The following CHI3L1 variants were observed in gnomAD, a reference collection of about 807,000 sequenced individuals.
CHI3L1 encodes chitinase-3-like protein 1.
A neutral mutation model predicts 40.7 loss-of-function variants in CHI3L1; 30 were observed. That is an observed-to-expected ratio of 0.74 (90% CI 0.55 to 1.00). CHI3L1 has a LOEUF of 1.00. Among genes scored for constraint, CHI3L1 ranks in the 50% least tolerant of loss-of-function variants. The pLI is 0.00. For synonymous variants in CHI3L1, 210 were observed against 192.1 expected (o/e 1.09, Z -0.77); for missense variants, 493 against 492.2 (o/e 1.00, Z -0.01).
rs1655873464 is a variant in CHI3L1, at chr1:203,179,228, T to C, written c.*217A>G. 1 of 448,818 alleles carries C rather than the reference T, an allele frequency of 2.2e-6. No individual in the cohort carries two copies. Among genetic ancestry groups the C allele is most frequent in the Non-Finnish European group, 3.9e-6 (1 of 253,876 alleles). The allele number at this position is 448,818 out of a possible 1,614,324, so 27.8% of individuals were successfully genotyped here. ...GTGTGTACTAATCCCGAGTCTTACA[T>C]TGCGATGCCTCACTATCCCCACAGC... On this transcript the variant is annotated 3_prime_UTR_variant, in exon 10 of 10. Transcript: ENST00000255409.
chr1:203,180,245 G>T, intron 8 of CHI3L1: 1 of 575,656 alleles, frequency 1.7e-6, no homozygotes, highest in Non-Finnish European at 3.1e-6. Flanking sequence ...CATAGCCAGA[G>T]GGCTATCCCA....
rs377634812 is a variant in CHI3L1, at chr1:203,184,601, C to T, written c.289G>A (p.Gly97Arg). Residue 97 changes from glycine to arginine, a missense_variant, in exon 4 of 10, where the codon GGA (glycine) becomes AGA (arginine). Coordinates refer to ENST00000255409, the MANE Select transcript of CHI3L1 (RefSeq NM_001276.4). ...NPNLKTLLSV[G>R]GWNFGSQRFS... Reference sequence around the variant, plus strand: ...CTTTGAGACCCAAAGTTCCATCCTCCGACAGACAAGAGAGTCTTCAGGTTG... The same window carrying T: ...CTTTGAGACCCAAAGTTCCATCCTCTGACAGACAAGAGAGTCTTCAGGTTG... 35 of 1,614,030 alleles carry T rather than the reference C, an allele frequency of 2.2e-5. No homozygotes were observed. Among genetic ancestry groups the T allele is most frequent in the South Asian group, 1.4e-4 (13 of 91,082 alleles).
Position 203,182,817 on chromosome 1 carries a change from T to A in CHI3L1, c.501A>T (p.Pro167=). The A allele has an allele frequency of 4.3e-6, 7 of 1,614,162 alleles. No homozygotes were observed. Among genetic ancestry groups the A allele is most frequent in the Non-Finnish European group, 5.9e-6 (7 of 1,180,006 alleles). Residue 167 remains proline (P), a synonymous_variant, in exon 6 of 10, where the codon CCA becomes CCT. Transcript: ENST00000255409. The part of the protein sequence containing the change: ...MKAEFIKEAQ[P]GKKQLLLSAA... Reference sequence around the variant, plus strand: ...CGCTGAGCAGGAGCTGCTTTTTCCCTGGCTGGGCTTCCTTTATAAATTCGG... The same window carrying A: ...CGCTGAGCAGGAGCTGCTTTTTCCCAGGCTGGGCTTCCTTTATAAATTCGG...
At chr1:203,186,500 A>G (rs1656059019) in intron 1 of CHI3L1, 99 bp downstream of exon 1, 2 of 1,321,532 alleles carry the variant, frequency 1.5e-6, no homozygotes, top group East Asian at 7.8e-5. Flanking sequence ...CCCTCTGCCC[A>G]CTCCCTTAGT....
At chr1:203,184,757 G>A in intron 3 of CHI3L1, 125 bp from the exon 4 acceptor site, 1 of 751,634 alleles carries the variant, frequency 1.3e-6, no homozygotes, top group Non-Finnish European at 2.4e-6. Flanking sequence ...TTAGGCCGCT[G>A]ATGTCCTCCC....
Position 203,179,461 on chromosome 1 carries a change from G to A in CHI3L1, c.1136C>T (p.Ala379Val), listed in dbSNP as rs1571826025. 1.3e-6 allele frequency: 2 copies of A among 1,541,676 alleles called. No homozygotes were observed. Among genetic ancestry groups the A allele is most frequent in the African/African-American group, 1.4e-5 (1 of 72,646 alleles). Residue 379 changes from alanine to valine, a missense_variant, in exon 10 of 10, where the codon GCA becomes GTA. Physicochemically the swap from Ala to Val is moderately conservative, Grantham distance 64. Coordinates refer to ENST00000255409, the MANE Select transcript of CHI3L1 (RefSeq NM_001276.4). ...AACAGAGGGCTACGTTGCAGCGAGT[G>A]CATCCTTGATGGCATTGGTGAGAGG... ...RFPLTNAIKD[A>V]LAAT
chr1:203,186,672 G>T lies in CHI3L1; in HGVS notation c.-49C>A. ...GGGTGTGGCCTCTTCCCTTGCCCAC[G>T]GCTCCTGGTGCCAGCTACCTAGACA... is the stretch of plus-strand genomic sequence containing the variant. On this transcript the variant is annotated 5_prime_UTR_variant, in exon 1 of 10. Transcript: ENST00000255409. 1 of 1,611,852 alleles carries T rather than the reference G, an allele frequency of 6.2e-7. No individual in the cohort carries two copies. Among genetic ancestry groups the T allele is most frequent in the South Asian group, 1.1e-5 (1 of 91,034 alleles).
At position 203,184,640 on chromosome 1, in the gene CHI3L1, G is replaced by A. The variant is rs1310118958; in HGVS notation, c.258-8C>T. ...GTCTTCAGGTTGGGGTTCCTGTGGAGCACAGGGAGGTGGGGAGGGCAGGAG... is the reference window on the plus strand; with the variant it reads ...GTCTTCAGGTTGGGGTTCCTGTGGAACACAGGGAGGTGGGGAGGGCAGGAG... On this transcript the variant is annotated splice_polypyrimidine_tract_variant and splice_region_variant and intron_variant, in intron 3 of 9. Transcript: ENST00000255409. 3 of 1,613,130 alleles carry A rather than the reference G, an allele frequency of 1.9e-6. No individual in the cohort carries two copies.
intron 3 of CHI3L1, 89 bp from the exon 4 acceptor site, chr1:203,184,721 T>A: frequency 8.7e-7 from 1 of 1,144,242 alleles, no homozygotes; most frequent in Non-Finnish European, 1.3e-6. Flanking sequence ...CCATAGAAGG[T>A]TTCCTGCTTT....
chr1:203,181,039 A>G, intron 7 of CHI3L1, 123 bp downstream of exon 7: 1 of 1,283,350 alleles, frequency 7.8e-7, no homozygotes, highest in East Asian at 2.4e-5. Flanking sequence ...TTATCTGTGG[A>G]ATGGGCCTCA....
chr1:203,181,348 C>T (rs925198930), intron 6 of CHI3L1, 63 bp from the exon 7 acceptor site: 77 of 1,565,724 alleles, frequency 4.9e-5, no homozygotes, highest in African/African-American at 6.8e-5. Flanking sequence ...TTAGGCCGGG[C>T]GTGGTGGCTC....
rs1447814239 is a variant in CHI3L1, at chr1:203,185,177, G to T, written c.257+7C>A. 1 of 1,613,358 alleles carries T rather than the reference G, an allele frequency of 6.2e-7. No homozygotes were observed. Among genetic ancestry groups the T allele is most frequent in the African/African-American group, 1.3e-5 (1 of 74,904 alleles). On this transcript the variant is annotated splice_region_variant and intron_variant, in intron 3 of 9. Transcript: ENST00000255409. ...GTCCCTCCTCTCCTGGCCAGCCCTG[G>T]CCCAACCTGTTCTTGAGTGTGTTGA...
chr1:203,185,095 T>A, intron 3 of CHI3L1, 89 bp downstream of exon 3: 1 of 1,060,202 alleles, frequency 9.4e-7, no homozygotes, highest in Non-Finnish European at 1.4e-6. Context: ...GTGAGCAGGG[T>A]GGGGCCTCGC....
Position 203,179,449 on chromosome 1 carries a change from G to A in CHI3L1, c.1148C>T (p.Thr383Met), listed in dbSNP as rs761469662. 15 of 1,535,684 alleles carry A rather than the reference G, an allele frequency of 9.8e-6. No homozygotes were observed. The highest frequency in any genetic ancestry group is 2.8e-5 in the African/African-American group (2 of 72,524). ...TNAIKDALAA[T>M] Reference sequence around the variant, plus strand: ...TGCTGTGTGCAGAACAGAGGGCTACGTTGCAGCGAGTGCATCCTTGATGGC... The same window carrying A: ...TGCTGTGTGCAGAACAGAGGGCTACATTGCAGCGAGTGCATCCTTGATGGC... Residue 383 changes from threonine (T) to methionine (M), a missense_variant, in exon 10 of 10, where the codon ACG becomes ATG. Coordinates refer to ENST00000255409, the MANE Select transcript of CHI3L1 (RefSeq NM_001276.4).
rs1278523952 is a variant in CHI3L1, at chr1:203,185,279, G to T, written c.162C>A (p.Ile54=). The T allele has an allele frequency of 6.2e-7, 1 of 1,614,052 alleles. No individual in the cohort carries two copies. Among genetic ancestry groups the T allele is most frequent in the Non-Finnish European group, 8.5e-7 (1 of 1,179,994 alleles). ...DALDRFLCTH[I]IYSFANISND... is the part of the protein sequence containing the mutation. ...TGCTTATATTGGCAAAGCTGTAGAT[G>T]ATGTGGGTACAGAGGAAGCGGTCAA... is the stretch of plus-strand genomic sequence containing the variant. The change falls in exon 3 of 10, where the codon ATC becomes ATA. Residue 54 remains isoleucine (I), a synonymous_variant. Coordinates refer to ENST00000255409, the MANE Select transcript of CHI3L1 (RefSeq NM_001276.4).
rs142590705 is a variant in CHI3L1 at position 203,183,757 on chromosome 1, G to A, written c.349C>T (p.Arg117Trp). Residue 117 changes from arginine (R) to tryptophan (W), a missense_variant, in exon 5 of 10, where the codon CGG becomes TGG. By Grantham distance (101) the Arg-to-Trp change is moderately radical. Coordinates refer to ENST00000255409, the MANE Select transcript of CHI3L1 (RefSeq NM_001276.4). The part of the protein sequence containing the change: ...SKIASNTQSR[R>W]TFIKSVPPFL... Reference sequence around the variant, plus strand: ...GGCGGTACTGACTTGATGAAAGTCCGGCGACTCTGGGTGTTGGAGGCTATC... The same window carrying A: ...GGCGGTACTGACTTGATGAAAGTCCAGCGACTCTGGGTGTTGGAGGCTATC... 2.7e-5 allele frequency: 43 copies of A among 1,614,040 alleles called. No individual in the cohort carries two copies. In the African/African-American group the frequency reaches 3.6e-4, roughly 14 times the overall value.
chr1:203,186,371 C>A lies in CHI3L1; in HGVS notation c.26-26G>T. The A allele has an allele frequency of 2.5e-6, 4 of 1,583,218 alleles. No individual in the cohort carries two copies. The South Asian group carries it at 3.5e-5, about 14-fold the overall frequency. On this transcript the variant is annotated intron_variant, in intron 1 of 9. Coordinates refer to ENST00000255409, the MANE Select transcript of CHI3L1 (RefSeq NM_001276.4). ...CTGAAGAGAAATCCAGGATGAGACC[C>A]CTGCAAGTGCATCCTGCCCTTCCGC... is the stretch of plus-strand genomic sequence containing the variant.
chr1:203,185,504 G>A, intron 2 of CHI3L1, 119 bp from the exon 3 acceptor site: 1 of 779,268 alleles, frequency 1.3e-6, no homozygotes, highest in Non-Finnish European at 2.2e-6. Context: ...GGTGCAGATT[G>A]TGAGCAAAGT....
chr1:203,180,410 C>A, intron 8 of CHI3L1, 60 bp downstream of exon 8: 1 of 1,405,104 alleles, frequency 7.1e-7, no homozygotes, highest in East Asian at 2.5e-5. Context: ...GGTGGGGAAT[C>A]ACCTTCCCCA....
Sources: gnomAD v4.1 joint callset for allele counts on GRCh38, gnomAD v4.1.1 for gene constraint, MANE v1.5 for transcripts, NCBI Gene and HGNC (gene_info 2026-07-23, HGNC 2026-07-21) for gene names.